EML5: variants seen among roughly 807,000 people sequenced by gnomAD.
The protein encoded by EML5 is EMAP like 5.
Under a neutral mutation model 250.0 loss-of-function variants are expected in EML5, and 120 were observed. The observed-to-expected ratio is 0.48, with a 90% CI of 0.41 to 0.56. The LOEUF (loss-of-function observed/expected upper bound fraction) is 0.56. Among genes scored for constraint, EML5 ranks in the 20% least tolerant of loss-of-function variants. The probability of loss-of-function intolerance (pLI) is 0.00; values close to 1 mark genes in which losing one functional copy is unlikely to be tolerated. For missense variants in EML5, 2,006 were observed against 2,437.6 expected (o/e 0.82, Z 3.73); for synonymous variants, 771 against 806.5 (o/e 0.96, Z 0.75).
chr14:88,689,358 A>G (rs77083205), intron 17 of EML5, among the ~76,000 whole-genome samples: 3 of 152,336 alleles, frequency 2.0e-5, no homozygotes, highest in African/African-American at 7.2e-5. Context: ...CAGTGAAAAG[A>G]ATTCCTTGTT....
At chr14:88,786,769 T>C (rs1226661867) in intron 1 of EML5, among the ~76,000 whole-genome samples, 2 of 152,222 alleles carry the variant, frequency 1.3e-5, no homozygotes. Context: ...ATGTAAGAAC[T>C]GCCTTTCACT....
At chr14:88,637,205 T>G (rs1489889763) in intron 32 of EML5, among the ~76,000 whole-genome samples, 1 of 152,188 alleles carries the variant, frequency 6.6e-6, no homozygotes, top group South Asian at 2.1e-4. Context: ...TAGTCACCAG[T>G]AATTTTTGTT....
chr14:88,617,746 T>G (rs912279016), intron 41 of EML5: 1 of 152,796 alleles, frequency 6.5e-6, no homozygotes, highest in African/African-American at 2.4e-5. Context: ...ATTACAGGCA[T>G]GAGCCACTAT....
intron 17 of EML5, among the ~76,000 whole-genome samples, chr14:88,692,989 T>A (rs564924230): frequency 6.6e-6 from 1 of 152,328 alleles, no homozygotes; most frequent in East Asian, 1.9e-4. Flanking sequence ...GTCACATTGA[T>A]GGAATTTATA....
At chr14:88,683,230 T>C (rs1380371406) in intron 20 of EML5, among the ~76,000 whole-genome samples, 2 of 152,224 alleles carry the variant, frequency 1.3e-5, no homozygotes, top group African/African-American at 4.8e-5. Context: ...CCAGCTAGTT[T>C]GTCCAAGAGA....
chr14:88,700,745 A>C (rs1182734957), intron 14 of EML5, among the ~76,000 whole-genome samples: 1 of 152,190 alleles, frequency 6.6e-6, no homozygotes, highest in Non-Finnish European at 1.5e-5. Context: ...AATGAGGACA[A>C]ACGTTTCTCA....
chr14:88,651,154 CTTTTTTT>C (rs869045980), intron 27 of EML5, among the ~76,000 whole-genome samples: 11 of 93,162 alleles, frequency 1.2e-4, no homozygotes, highest in Admixed American at 5.4e-4. Flanking sequence ...TTGTCATTTT[CTTTTTTT>C]TTTTTTTTTT....
chr14:88,697,572 C>T (rs949438945), intron 14 of EML5, among the ~76,000 whole-genome samples: 1 of 152,146 alleles, frequency 6.6e-6, no homozygotes, highest in Non-Finnish European at 1.5e-5. Flanking sequence ...ATGATGTTCA[C>T]TAATGCACAG....
Position 88,768,239 on chromosome 14 carries a change from T to C in EML5, c.198-13568A>G, listed in dbSNP as rs552196445. ...CTCGATCCCTTGGTTAAACAGTACATGCCACTGTAAAGATACTACAAAGTT... is the reference window on the plus strand; with the variant it reads ...CTCGATCCCTTGGTTAAACAGTACACGCCACTGTAAAGATACTACAAAGTT... On this transcript the variant is annotated intron_variant, in intron 1 of 43. Coordinates refer to ENST00000554922, the MANE Select transcript of EML5 (RefSeq NM_183387.3). Among the ~76,000 whole-genome samples, 4 of 152,298 alleles carry C rather than the reference T, an allele frequency of 2.6e-5. 1 individual carries two copies. Among genetic ancestry groups the C allele is most frequent in the African/African-American group, 9.6e-5 (4 of 41,554 alleles).
chr14:88,782,747 T>C (rs1315465982), intron 1 of EML5, among the ~76,000 whole-genome samples: 1 of 152,210 alleles, frequency 6.6e-6, no homozygotes, highest in Non-Finnish European at 1.5e-5. Context: ...AGACAAGAAC[T>C]GAGGTTTGGG....
In EML5 at chr14:88,658,363, T is replaced by C; in HGVS notation, c.3701A>G (p.Tyr1234Cys). The change falls in exon 26 of 44, where the codon TAT becomes TGT. Residue 1234 changes from tyrosine to cysteine, a missense_variant. Physicochemically the swap from Tyr to Cys is radical, Grantham distance 194. This residue lies in a region of EML5 where 1,375 missense variants were observed against 1,590.3 expected (regional missense o/e 0.86). Coordinates refer to ENST00000554922, the MANE Select transcript of EML5 (RefSeq NM_183387.3). ...TKGKFGKFKR[Y>C]VAHSTHVTNV... ...TGTGACATGTGTACTATGGGCCACATACCTCTTAAACTTTCCAAATTTCCC... is the reference window on the plus strand; with the variant it reads ...TGTGACATGTGTACTATGGGCCACACACCTCTTAAACTTTCCAAATTTCCC... 1.2e-6 allele frequency: 2 copies of C among 1,612,306 alleles called. No homozygotes were observed. The highest frequency in any genetic ancestry group is 2.2e-5 in the East Asian group (1 of 44,794).
intron 21 of EML5, among the ~76,000 whole-genome samples, chr14:88,669,382 G>GTCTGCCATTTCT (rs1209284525): frequency 6.6e-6 from 1 of 152,222 alleles, no homozygotes; most frequent in African/African-American, 2.4e-5. Context: ...TGCAGCTCCA[G>GTCTGCCATTTCT]TCTGCCATTT....
chr14:88,634,274 T>C (rs888610928), intron 33 of EML5, among the ~76,000 whole-genome samples, 195 bp downstream of exon 33: 4 of 152,170 alleles, frequency 2.6e-5, no homozygotes, highest in Non-Finnish European at 5.9e-5. Context: ...TGATTGTAAA[T>C]TTCCTGAGGC....
At chr14:88,709,712 T>C (rs2093373127) in intron 10 of EML5, among the ~76,000 whole-genome samples, 1 of 152,186 alleles carries the variant, frequency 6.6e-6, no homozygotes, top group Admixed American at 6.5e-5. Context: ...TCCTAGTTAT[T>C]TCACTCCTTT....
chr14:88,701,962 G>T (rs74793027), intron 14 of EML5, among the ~76,000 whole-genome samples: 1 of 152,104 alleles, frequency 6.6e-6, no homozygotes, highest in Admixed American at 6.6e-5. Context: ...ATATAGAGAG[G>T]TATCAGTTAA....
rs73327343 is a variant in EML5, at chr14:88,756,217, A to T, written c.198-1546T>A. On this transcript the variant is annotated intron_variant, in intron 1 of 43. Transcript: ENST00000554922. The stretch of plus-strand genomic sequence containing the variant: ...GGCTGGTTCAACATATGAAATCAAC[A>T]AATATGGCATATTAACAGAAGAAAG... 1.4e-3 allele frequency among the ~76,000 whole-genome samples: 220 copies of T among 152,294 alleles called. 2 individuals carry two copies. The highest frequency in any genetic ancestry group is 5.2e-3 in the African/African-American group (216 of 41,560).
chr14:88,621,428 G>A, intron 37 of EML5, 127 bp from the exon 38 acceptor site: 1 of 1,055,396 alleles, frequency 9.5e-7, no homozygotes, highest in Non-Finnish European at 1.4e-6. Flanking sequence ...CTAGTAGCAA[G>A]GCAGTCATTA....
chr14:88,772,890 G>C (rs1050358181), intron 1 of EML5, among the ~76,000 whole-genome samples: 2 of 152,102 alleles, frequency 1.3e-5, no homozygotes. Context: ...CAAAGTCTTT[G>C]TCTGGAATGA....
intron 14 of EML5, 110 bp downstream of exon 14, chr14:88,702,336 G>T: frequency 1.3e-6 from 1 of 789,052 alleles, no homozygotes; most frequent in Non-Finnish European, 1.8e-6. Flanking sequence ...TCATTCTAAA[G>T]AATTCTTTAC....
Sources: allele counts gnomAD v4.1 joint callset (sites outside exome capture counted in the v4.1 genomes callset), GRCh38; gene constraint gnomAD v4.1.1; regional missense constraint gnomAD v4.1.1; transcripts MANE v1.5; gene names NCBI Gene and HGNC (gene_info 2026-07-23, HGNC 2026-07-21).